Variants in SOS1 observed in about 807,000 individuals in gnomAD.
SOS1 encodes the protein SOS Ras/Rac guanine nucleotide exchange factor 1.
SOS1 carries 25 observed loss-of-function variants against 157.6 expected under a neutral mutation model. That is an observed-to-expected ratio of 0.16 (90% confidence interval 0.12 to 0.22). The LOEUF (loss-of-function observed/expected upper bound fraction) is 0.22. Among genes scored for constraint, SOS1 ranks in the 10% least tolerant of loss-of-function variants. The probability of loss-of-function intolerance (pLI) is 1.00; values close to 1 mark genes in which losing one functional copy is unlikely to be tolerated. For missense variants in SOS1, 1,237 were observed against 1,599.1 expected, an observed-to-expected ratio of 0.77 and a Z score of 3.86; for synonymous variants, 528 against 534.0, an observed-to-expected ratio of 0.99 and a Z score of 0.16.
At chr2:39,081,575 G>A (rs530275590) in intron 1 of SOS1, among the ~76,000 whole-genome samples, 6 of 151,246 alleles carry the variant, frequency 4.0e-5, no homozygotes, top group Non-Finnish European at 7.4e-5. Flanking sequence ...CTGTAATCCC[G>A]GCACTTTGGG....
chr2:39,045,633 C>G (rs1277448034), intron 6 of SOS1, among the ~76,000 whole-genome samples: 3 of 152,010 alleles, frequency 2.0e-5, no homozygotes, highest in Admixed American at 6.6e-5. Flanking sequence ...ATATTTCATC[C>G]CTTTATCTTA....
chr2:39,075,728 AG>A lies in SOS1; in HGVS notation c.88-7976del, dbSNP rs560720400. Among the ~76,000 whole-genome samples the A allele has an allele frequency of 2.5e-3, 382 of 152,186 alleles. 3 individuals are homozygous for A. The highest frequency in any genetic ancestry group is 4.8e-3 in the Non-Finnish European group (327 of 68,012). On this transcript the variant is annotated intron_variant, in intron 1 of 22. Transcript: ENST00000402219. ...TAATAGAAAAATTGCTAAAAGATCA[AG>A]AAAAAAGAGAAGGCACAAATACTAC...
At chr2:39,080,240 C>A (rs554157479) in intron 1 of SOS1, among the ~76,000 whole-genome samples, 1 of 151,836 alleles carries the variant, frequency 6.6e-6, no homozygotes, top group Non-Finnish European at 1.5e-5. Flanking sequence ...ATAAGGAGTA[C>A]GCAACCTAGA....
rs114753308 is a variant in SOS1, at chr2:39,063,796, T to C, written c.213+3832A>G. ...GCTACCATACTTTGAATTATGCTTA[T>C]ACTTTAAAGCAAAGTGTATTCTTTA... On this transcript the variant is annotated intron_variant, in intron 2 of 22. Coordinates refer to ENST00000402219, the MANE Select transcript of SOS1 (RefSeq NM_005633.4). 3.2e-3 allele frequency among the ~76,000 whole-genome samples: 494 copies of C among 152,320 alleles called. 1 individual carries two copies. The highest frequency in any genetic ancestry group is 0.011 in the African/African-American group (451 of 41,570).
chr2:39,067,976 G>T (rs548094704), intron 1 of SOS1, among the ~76,000 whole-genome samples: 1 of 152,108 alleles, frequency 6.6e-6, no homozygotes, highest in Admixed American at 6.5e-5. Flanking sequence ...AAAATTAGCC[G>T]GGCCTTGTGG....
upstream of SOS1, among the ~76,000 whole-genome samples, chr2:39,123,704 A>G (rs1673976131): frequency 6.6e-6 from 1 of 152,170 alleles, no homozygotes; most frequent in Non-Finnish European, 1.5e-5. Context: ...TTTTAATCGT[A>G]TCCCCGGGGC....
intron 1 of SOS1, among the ~76,000 whole-genome samples, chr2:39,118,425 A>G (rs533312189): frequency 6.6e-6 from 1 of 152,346 alleles, no homozygotes; most frequent in African/African-American, 2.4e-5. Context: ...TGTATTTTCA[A>G]TCTTGTTTAG....
rs1221581719 is a variant in SOS1, at chr2:39,067,643, A to C, written c.198T>G (p.Ser66Arg). The part of the protein sequence containing the change: ...LNMLCQAQPR[S>R]ASDVEERVQK... ...TTTGTCATACCTCTACATCTGAAGC[A>C]CTTCGGGGCTGAGCTTGGCATAGCA... Residue 66 changes from serine (S) to arginine (R), a missense_variant, in exon 2 of 23, where the codon AGT becomes AGG. Physicochemically the swap from Ser to Arg is moderately radical, Grantham distance 110. This residue lies in a region of SOS1 where 99 missense variants were observed against 81.6 expected (regional missense o/e 1.21). Coordinates refer to ENST00000402219, the MANE Select transcript of SOS1 (RefSeq NM_005633.4). 2 of 1,613,518 alleles carry C rather than the reference A, an allele frequency of 1.2e-6. No individual in the cohort carries two copies.
intron 10 of SOS1, 193 bp downstream of exon 10, chr2:39,022,377 A>T (rs915742246): frequency 3.0e-4 from 160 of 541,886 alleles, no homozygotes; most frequent in African/African-American, 2.9e-3. Flanking sequence ...TGGTAAGGTT[A>T]AAAAAAAGTA....
intron 1 of SOS1, among the ~76,000 whole-genome samples, chr2:39,102,118 T>A (rs1362402730): frequency 7.2e-6 from 1 of 138,058 alleles, no homozygotes; most frequent in East Asian, 2.2e-4. Flanking sequence ...GGCAGGAGAA[T>A]CACTTGAACC....
At chr2:39,070,137 CT>C (rs1383594264) in intron 1 of SOS1, among the ~76,000 whole-genome samples, 1 of 152,106 alleles carries the variant, frequency 6.6e-6, no homozygotes, top group African/African-American at 2.4e-5. Context: ...ACTTATTCCT[CT>C]TCAATACTTA....
intron 17 of SOS1, among the ~76,000 whole-genome samples, chr2:39,002,646 C>T (rs1168428177): frequency 6.6e-6 from 1 of 152,214 alleles, no homozygotes; most frequent in Non-Finnish European, 1.5e-5. Flanking sequence ...GACATACCGT[C>T]AGATATATCC....
At chr2:39,082,360 G>C (rs914716138) in intron 1 of SOS1, among the ~76,000 whole-genome samples, 2 of 152,148 alleles carry the variant, frequency 1.3e-5, no homozygotes, top group Admixed American at 6.6e-5. Context: ...CAAAGTTCCA[G>C]TCCTCACAGA....
chr2:39,114,173 T>G (rs1334900642), intron 1 of SOS1, among the ~76,000 whole-genome samples: 2 of 152,070 alleles, frequency 1.3e-5, no homozygotes, highest in Non-Finnish European at 2.9e-5. Flanking sequence ...ATGGCTCACC[T>G]CAGCCTCAAC....
chr2:39,108,066 C>T (rs1356867901), intron 1 of SOS1, among the ~76,000 whole-genome samples: 1 of 152,196 alleles, frequency 6.6e-6, no homozygotes, highest in Non-Finnish European at 1.5e-5. Context: ...AATATTCCCC[C>T]TTTCATCACC....
chr2:38,986,407 A>C (rs1668562377), intron 22 of SOS1, 92 bp from the exon 23 acceptor site: 3 of 1,168,034 alleles, frequency 2.6e-6, no homozygotes, highest in Admixed American at 4.1e-5. Context: ...CAAACATGCT[A>C]TTGGCAGGAT....
intron 6 of SOS1, among the ~76,000 whole-genome samples, chr2:39,050,839 G>C (rs1670987436): frequency 1.3e-5 from 2 of 152,098 alleles, no homozygotes; most frequent in African/African-American, 4.8e-5. Context: ...AAGTTCTGTG[G>C]TCTCTTACTT....
chr2:38,987,545 T>C lies in SOS1; in HGVS notation c.3438A>G (p.Glu1146=), dbSNP rs1226908698. Residue 1146 remains glutamate, a synonymous_variant, in exon 22 of 23, where the codon GAA becomes GAG. Coordinates refer to ENST00000402219, the MANE Select transcript of SOS1 (RefSeq NM_005633.4). ...SSISLTKGTD[E]VPVPPPVPPR... ...GAGGAACAGGAGGAGGGACAGGCACTTCATCAGTGCCTTTGGTTAAACTTA... is the reference window on the plus strand; with the variant it reads ...GAGGAACAGGAGGAGGGACAGGCACCTCATCAGTGCCTTTGGTTAAACTTA... The C allele has an allele frequency of 1.2e-6, 2 of 1,604,948 alleles. No homozygotes were observed. The highest frequency in any genetic ancestry group is 2.2e-5 in the East Asian group (1 of 44,774).
intron 1 of SOS1, among the ~76,000 whole-genome samples, chr2:39,102,329 T>G (rs1374096116): frequency 2.8e-5 from 4 of 141,696 alleles, no homozygotes; most frequent in Admixed American, 7.2e-5. Flanking sequence ...TCAAGACCAG[T>G]GTGGGCAACA....
Sources: allele counts gnomAD v4.1 joint callset (sites outside exome capture counted in the v4.1 genomes callset), GRCh38; gene constraint gnomAD v4.1.1; regional missense constraint gnomAD v4.1.1; transcripts MANE v1.5; gene names NCBI Gene and HGNC (gene_info 2026-07-23, HGNC 2026-07-21).